STXBP5: variants seen among roughly 807,000 people sequenced by gnomAD.
The protein encoded by STXBP5 is syntaxin binding protein 5, also known as syntaxin-binding protein 5.
STXBP5 carries 50 observed loss-of-function variants against 152.4 expected under a neutral mutation model. The ratio of observed to expected loss-of-function variants is 0.33; its 90% confidence interval spans 0.26 to 0.42. The LOEUF (loss-of-function observed/expected upper bound fraction) is 0.42. STXBP5 is among the 10% of genes least tolerant of loss of function. The pLI, the probability that STXBP5 is intolerant of heterozygous loss-of-function variation, is 1.00. For missense variants in STXBP5, 1,167 were observed against 1,388.6 expected (o/e 0.84, Z 2.54); for synonymous variants, 492 against 494.7 (o/e 0.99, Z 0.07).
In STXBP5 at chr6:147,359,188, A is replaced by G. The variant is rs988227002; in HGVS notation, c.2410A>G (p.Thr804Ala). 1.2e-5 allele frequency: 20 copies of G among 1,613,888 alleles called. No individual in the cohort carries two copies. The highest frequency in any genetic ancestry group is 1.7e-5 in the Non-Finnish European group (20 of 1,179,958). ...ISALHFCETFTRKTDSSPSPC... is the reference protein window; with the variant it reads ...ISALHFCETFARKTDSSPSPC... Reference sequence around the variant, plus strand: ...CGCTCTTCATTTCTGTGAAACGTTTACTCGAAAGACGGACTCGTCCCCTTC... The same window carrying G: ...CGCTCTTCATTTCTGTGAAACGTTTGCTCGAAAGACGGACTCGTCCCCTTC... Residue 804 changes from threonine to alanine, a missense_variant, in exon 23 of 28, where the codon ACT (threonine) becomes GCT (alanine). Transcript: ENST00000321680.
intron 8 of STXBP5, among the ~76,000 whole-genome samples, chr6:147,287,846 T>C (rs986923337): frequency 4.6e-5 from 7 of 152,220 alleles, no homozygotes; most frequent in African/African-American, 1.7e-4. Context: ...ATAAATGTTC[T>C]CAAACCATTT....
chr6:147,365,092 C>T (rs925674718), intron 25 of STXBP5, among the ~76,000 whole-genome samples: 21 of 151,826 alleles, frequency 1.4e-4, no homozygotes, highest in African/African-American at 4.6e-4. Context: ...AGCATAGTGC[C>T]CCTGGTACAG....
intron 4 of STXBP5, among the ~76,000 whole-genome samples, chr6:147,247,497 T>C (rs1230821327): frequency 1.3e-5 from 2 of 152,182 alleles, no homozygotes; most frequent in Non-Finnish European, 2.9e-5. Flanking sequence ...AGCACAATTT[T>C]AAAATAAAAG....
chr6:147,347,668 C>T (rs535154248), intron 21 of STXBP5, among the ~76,000 whole-genome samples: 1 of 152,294 alleles, frequency 6.6e-6, no homozygotes, highest in Non-Finnish European at 1.5e-5. Flanking sequence ...TATTTACTGT[C>T]TAATAGTTAC....
At chr6:147,338,619 C>T (rs990422274) in intron 19 of STXBP5, among the ~76,000 whole-genome samples, 1 of 151,552 alleles carries the variant, frequency 6.6e-6, no homozygotes, top group African/African-American at 2.4e-5. Flanking sequence ...TTTCTTACCT[C>T]CATAAATTTA....
chr6:147,308,446 T>G (rs1782205451), intron 9 of STXBP5, among the ~76,000 whole-genome samples: 1 of 152,184 alleles, frequency 6.6e-6, no homozygotes, highest in East Asian at 1.9e-4. Flanking sequence ...GCAACACACA[T>G]TTCTACTCAT....
At chr6:147,245,294 T>G (rs1778757984) in intron 4 of STXBP5, among the ~76,000 whole-genome samples, 1 of 152,096 alleles carries the variant, frequency 6.6e-6, no homozygotes, top group East Asian at 1.9e-4. Flanking sequence ...CCAACCAGGA[T>G]GCAAGATGGA....
intron 21 of STXBP5, among the ~76,000 whole-genome samples, chr6:147,350,848 A>T (rs559230617): frequency 1.2e-4 from 19 of 152,192 alleles, no homozygotes; most frequent in Non-Finnish European, 2.5e-4. Context: ...CATCTTACAT[A>T]ATCCTCTCAG....
chr6:147,380,954 C>CT (rs1406475809), intron 26 of STXBP5, among the ~76,000 whole-genome samples: 2 of 152,136 alleles, frequency 1.3e-5, no homozygotes, highest in African/African-American at 2.4e-5. Context: ...TTGGATATGG[C>CT]TGGCGAGACC....
chr6:147,379,681 A>G (rs1428133129), intron 26 of STXBP5, among the ~76,000 whole-genome samples: 1 of 152,150 alleles, frequency 6.6e-6, no homozygotes, highest in Non-Finnish European at 1.5e-5. Flanking sequence ...AAGGCATGCA[A>G]ATTGGAATGG....
At position 147,388,911 on chromosome 6, in the gene STXBP5, A is replaced by C. The variant is rs1234869891; in HGVS notation, c.*4156A>C. 1 of 151,382 alleles carries C rather than the reference A, an allele frequency of 6.6e-6. No homozygotes were observed. Among genetic ancestry groups the C allele is most frequent in the Admixed American group, 6.6e-5 (1 of 15,194 alleles). The allele number at this position is 151,382 out of a possible 1,614,324, so 9.4% of individuals were successfully genotyped here. A position where few individuals can be genotyped will look rare whatever the true frequency, so the allele number is the denominator to read the frequency against. On this transcript the variant is annotated 3_prime_UTR_variant, in exon 28 of 28. Transcript: ENST00000321680. ...AAACAGAGTTTATGTATTTTTGTCA[A>C]TGAAGGTTTTTATTTTGTAGTTTAT... is the stretch of plus-strand genomic sequence containing the variant.
chr6:147,248,625 C>T (rs1472898764), intron 4 of STXBP5, among the ~76,000 whole-genome samples: 4 of 152,148 alleles, frequency 2.6e-5, no homozygotes, highest in Non-Finnish European at 5.9e-5. Flanking sequence ...GGGCAGTATT[C>T]ACATCCTCCA....
At chr6:147,349,214 G>T (rs749364211) in intron 21 of STXBP5, among the ~76,000 whole-genome samples, 3 of 151,958 alleles carry the variant, frequency 2.0e-5, no homozygotes, top group Non-Finnish European at 4.4e-5. Context: ...AAAACATCCT[G>T]AGTTTAAGAC....
In STXBP5 at chr6:147,313,922, A is replaced by G. The variant is rs1252065017; in HGVS notation, c.1184A>G (p.His395Arg). 1.9e-6 allele frequency: 3 copies of G among 1,599,030 alleles called. No individual in the cohort carries two copies. The highest frequency in any genetic ancestry group is 1.1e-5 in the South Asian group (1 of 88,598). The part of the protein sequence containing the change: ...IFENPYPLSI[H>R]ESPVTCCEYF... ...GAAAATCCCTACCCTTTGAGTATACATGAGTCCCCTGTTACATGTTGCGAA... is the reference window on the plus strand; with the variant it reads ...GAAAATCCCTACCCTTTGAGTATACGTGAGTCCCCTGTTACATGTTGCGAA... The change falls in exon 12 of 28, where the codon CAT becomes CGT. Residue 395 changes from histidine (H) to arginine (R), a missense_variant. Physicochemically the swap from His to Arg is conservative, Grantham distance 29. Transcript: ENST00000321680.
chr6:147,351,345 CAT>C (rs1264881791), intron 21 of STXBP5, among the ~76,000 whole-genome samples: 1 of 152,158 alleles, frequency 6.6e-6, no homozygotes, highest in Non-Finnish European at 1.5e-5. Flanking sequence ...GCATCCATAT[CAT>C]ATGATTTTTA....
intron 9 of STXBP5, among the ~76,000 whole-genome samples, chr6:147,295,594 A>T (rs1230993922): frequency 6.6e-6 from 1 of 152,092 alleles, no homozygotes; most frequent in East Asian, 1.9e-4. Context: ...ATAGAGGGGG[A>T]GCAAAACACC....
intron 27 of STXBP5, among the ~76,000 whole-genome samples, chr6:147,383,528 T>G (rs1786197682): frequency 6.6e-6 from 1 of 151,952 alleles, no homozygotes; most frequent in South Asian, 2.1e-4. Context: ...CGCTGTAAAG[T>G]AGGGATCCCT....
chr6:147,266,706 G>C (rs1243760873), intron 6 of STXBP5, among the ~76,000 whole-genome samples: 1 of 152,146 alleles, frequency 6.6e-6, no homozygotes, highest in African/African-American at 2.4e-5. Flanking sequence ...TCACCAGAGG[G>C]ATGTAGGCTG....
intron 4 of STXBP5, among the ~76,000 whole-genome samples, chr6:147,241,643 G>A (rs1024702022): frequency 6.6e-6 from 1 of 152,062 alleles, no homozygotes; most frequent in East Asian, 1.9e-4. Context: ...TAACATCATA[G>A]CATCTTATAG....
Sources: gnomAD v4.1 joint callset for allele counts (sites outside exome capture counted in the v4.1 genomes callset) on GRCh38, gnomAD v4.1.1 for gene constraint, MANE v1.5 for transcripts, NCBI Gene and HGNC (gene_info 2026-07-23, HGNC 2026-07-21) for gene names.